The following FLT1 variants were observed in gnomAD, a reference collection of about 807,000 sequenced individuals.
FLT1 encodes the protein fms related receptor tyrosine kinase 1.
Under a neutral mutation model 156.3 loss-of-function variants are expected in FLT1, and 49 were observed. The ratio of observed to expected loss-of-function variants is 0.31; its 90% confidence interval spans 0.25 to 0.40. The LOEUF is 0.40. FLT1 is among the 10% of genes least tolerant of loss of function. The pLI is 1.00. For missense variants in FLT1, 1,322 were observed against 1,637.2 expected (o/e 0.81, Z 3.32); for synonymous variants, 594 against 583.8 (o/e 1.02, Z -0.25).
intron 29 of FLT1, among the ~76,000 whole-genome samples, chr13:28,303,859 C>CCA (rs916948611): frequency 2.0e-5 from 3 of 152,246 alleles, no homozygotes; most frequent in Admixed American, 1.3e-4. Flanking sequence ...CAATAAAGCT[C>CCA]CACACACACA....
intron 14 of FLT1, among the ~76,000 whole-genome samples, chr13:28,373,822 G>T (rs1324041664): frequency 6.6e-6 from 1 of 152,074 alleles, no homozygotes; most frequent in Non-Finnish European, 1.5e-5. Flanking sequence ...GATGACTGCT[G>T]GGAGAGTTTA....
rs370222607 is a variant in FLT1, at chr13:28,345,534, T to C, written c.2266A>G (p.Asn756Asp). 1.9e-6 allele frequency: 3 copies of C among 1,610,610 alleles called. No homozygotes were observed. The highest frequency in any genetic ancestry group is 2.5e-6 in the Non-Finnish European group (3 of 1,177,474). ...LTVQGTSDKS[N>D]LELITLTCTC... ...CATGTTAGAGTGATCAGCTCCAGAT[T>C]AGACTTGTCCGAGGTTCCTGGAGAG... is the stretch of plus-strand genomic sequence containing the variant. Residue 756 changes from asparagine (N) to aspartate (D), a missense_variant, in exon 16 of 30, where the codon AAT (asparagine) becomes GAT (aspartate). Asn to Asp is a conservative substitution (Grantham distance 23). Transcript: ENST00000282397.
intron 15 of FLT1, among the ~76,000 whole-genome samples, chr13:28,354,896 C>A (rs958045677): frequency 6.6e-6 from 1 of 151,946 alleles, no homozygotes; most frequent in Non-Finnish European, 1.5e-5. Flanking sequence ...CCACTTTTCA[C>A]AAGAGTAAAT....
chr13:28,309,842 T>G (rs899234654), intron 27 of FLT1, among the ~76,000 whole-genome samples: 2 of 151,966 alleles, frequency 1.3e-5, no homozygotes, highest in Non-Finnish European at 2.9e-5. Flanking sequence ...ACTGGGTTTC[T>G]TTGAGGCCTG....
intron 14 of FLT1, among the ~76,000 whole-genome samples, chr13:28,365,018 A>G (rs1417035639): frequency 6.6e-6 from 1 of 152,168 alleles, no homozygotes; most frequent in East Asian, 1.9e-4. Context: ...AGTTCATATT[A>G]TATTATAATT....
At chr13:28,388,262 A>G in intron 13 of FLT1, 1 of 1,056,990 alleles carries the variant, frequency 9.5e-7, no homozygotes, top group South Asian at 4.6e-5. Context: ...GGGAAATGCT[A>G]TTGTTTACTC....
chr13:28,337,760 G>A (rs182546798), intron 17 of FLT1, among the ~76,000 whole-genome samples: 32 of 152,364 alleles, frequency 2.1e-4, no homozygotes, highest in African/African-American at 7.5e-4. Context: ...GTGATGTGGT[G>A]TGGATCACAA....
At chr13:28,407,843 A>T (rs1164344772) in intron 10 of FLT1, among the ~76,000 whole-genome samples, 1 of 152,224 alleles carries the variant, frequency 6.6e-6, no homozygotes, top group African/African-American at 2.4e-5. Context: ...AAACATCTTA[A>T]TGACAAAGTT....
intron 3 of FLT1, among the ~76,000 whole-genome samples, chr13:28,447,469 G>C (rs1878687415): frequency 6.6e-6 from 1 of 152,030 alleles, no homozygotes; most frequent in Non-Finnish European, 1.5e-5. Flanking sequence ...TTGCAGGCAT[G>C]AGCCACCACA....
At chr13:28,338,305 C>G (rs1872195989) in intron 17 of FLT1, among the ~76,000 whole-genome samples, 1 of 152,038 alleles carries the variant, frequency 6.6e-6, no homozygotes, top group Admixed American at 6.6e-5. Context: ...TCCAAGAACA[C>G]TGGATCCACA....
intron 11 of FLT1, among the ~76,000 whole-genome samples, chr13:28,398,637 C>G (rs1875217662): frequency 6.6e-6 from 1 of 152,160 alleles, no homozygotes; most frequent in South Asian, 2.1e-4. Context: ...TTGGAAGGAT[C>G]TGCTTAATTA....
intron 13 of FLT1, 178 bp downstream of exon 13, chr13:28,389,618 G>A: frequency 6.8e-7 from 1 of 1,464,768 alleles, no homozygotes; most frequent in Non-Finnish European, 9.0e-7. Flanking sequence ...TTTGGGAGGA[G>A]CATCTCCTCC....
chr13:28,303,500 CCCCT>C, intron 29 of FLT1, 132 bp from the exon 30 acceptor site: 1 of 785,768 alleles, frequency 1.3e-6, no homozygotes, highest in Non-Finnish European at 2.1e-6. Flanking sequence ...GAACCCCCCC[CCCCT>C]CAATTGCTGT....
intron 20 of FLT1, among the ~76,000 whole-genome samples, chr13:28,323,940 T>A (rs1162759769): frequency 6.6e-6 from 1 of 152,212 alleles, no homozygotes; most frequent in South Asian, 2.1e-4. Flanking sequence ...AGGGTAGCAA[T>A]GGCCTTTCAC....
chr13:28,383,573 G>A (rs180772895), intron 14 of FLT1, among the ~76,000 whole-genome samples: 1 of 152,122 alleles, frequency 6.6e-6, no homozygotes, highest in African/African-American at 2.4e-5. Flanking sequence ...TGAGTCAGGA[G>A]AATGGCGTGA....
chr13:28,384,612 C>T (rs1874244039), intron 14 of FLT1, among the ~76,000 whole-genome samples: 1 of 152,172 alleles, frequency 6.6e-6, no homozygotes, highest in African/African-American at 2.4e-5. Flanking sequence ...TTCTACATGG[C>T]TCTTCTCATT....
chr13:28,446,638 A>G (rs1213175829), intron 3 of FLT1, among the ~76,000 whole-genome samples: 1 of 152,232 alleles, frequency 6.6e-6, no homozygotes, highest in African/African-American at 2.4e-5. Context: ...GACATTGTGG[A>G]AAGAAATTAA....
chr13:28,320,244 A>G (rs1028223991), intron 23 of FLT1, among the ~76,000 whole-genome samples: 2 of 152,146 alleles, frequency 1.3e-5, no homozygotes, highest in Non-Finnish European at 2.9e-5. Context: ...GGAGGGGAGG[A>G]CTAACATGAA....
At chr13:28,434,549 G>A (rs950385345) in intron 4 of FLT1, among the ~76,000 whole-genome samples, 2 of 152,148 alleles carry the variant, frequency 1.3e-5, no homozygotes, top group Non-Finnish European at 2.9e-5. Flanking sequence ...TTTGGCCTCC[G>A]GGAATCTTCA....
Sources: gnomAD v4.1 joint callset for allele counts (sites outside exome capture counted in the v4.1 genomes callset) on GRCh38, gnomAD v4.1.1 for gene constraint, MANE v1.5 for transcripts, NCBI Gene and HGNC (gene_info 2026-07-23, HGNC 2026-07-21) for gene names.